Variants in URB1 observed in about 807,000 individuals in gnomAD.
The protein encoded by URB1 is URB1 ribosome biogenesis factor, also known as nucleolar pre-ribosomal-associated protein 1.
A neutral mutation model predicts 242.3 loss-of-function variants in URB1; 197 were observed. That is an observed-to-expected ratio of 0.81 (90% CI 0.72 to 0.91). The LOEUF is 0.91. URB1 is among the 40% of genes least tolerant of loss of function. The pLI is 0.00. For synonymous variants in URB1, 1,153 were observed against 1,201.8 expected (o/e 0.96, Z 0.84); for missense variants, 2,721 against 2,860.5 (o/e 0.95, Z 1.11).
intron 11 of URB1, 65 bp from the exon 12 acceptor site, chr21:32,362,086 A>G (rs1257177729): frequency 1.3e-6 from 2 of 1,524,406 alleles, no homozygotes; most frequent in East Asian, 4.9e-5. Context: ...AATGAACTGA[A>G]CACATTAACA....
In URB1 at chr21:32,377,189, T is replaced by C. The variant is rs188755892; in HGVS notation, c.664+1256A>G. 3.4e-4 allele frequency: 177 copies of C among 518,708 alleles called. 1 individual carries two copies. The East Asian group carries it at 8.1e-3, about 24-fold the overall frequency. The allele number at this position is 518,708 out of a possible 1,614,324, so 32.1% of individuals were successfully genotyped here. A position where few individuals can be genotyped will look rare whatever the true frequency, so the allele number is the denominator to read the frequency against. ...TTTTTTTATCTTTTTTCTTTATCTA[T>C]TGTGCAACCCACTTCAGTGCCAGCA... On this transcript the variant is annotated intron_variant, in intron 5 of 38. Transcript: ENST00000382751.
intron 1 of URB1, among the ~76,000 whole-genome samples, chr21:32,389,558 A>G (rs1019427378): frequency 1.1e-4 from 16 of 152,116 alleles, no homozygotes; most frequent in Non-Finnish European, 2.1e-4. Context: ...AAAGAGGGGG[A>G]GCAGACAGAT....
rs192389652 is a variant in URB1, at chr21:32,329,681, C to T, written c.4960+3636G>A. Among the ~76,000 whole-genome samples the T allele has an allele frequency of 1.7e-4, 26 of 152,272 alleles. No homozygotes were observed. The East Asian group carries it at 4.8e-3, about 28-fold the overall frequency. On this transcript the variant is annotated intron_variant, in intron 30 of 38. Coordinates refer to ENST00000382751, the MANE Select transcript of URB1 (RefSeq NM_014825.3). ...CCCATTTCCAGCAAAGGGCTGAAAA[C>T]GGAGCAGTGGGACTGTAATTACTCT...
chr21:32,350,657 C>A, intron 20 of URB1, 47 bp downstream of exon 20: 1 of 1,537,144 alleles, frequency 6.5e-7, no homozygotes, highest in Non-Finnish European at 8.8e-7. Context: ...GCTTAGCTCT[C>A]TGGTGGCAGA....
Position 32,338,697 on chromosome 21 carries a change from G to A in URB1, c.4510+10C>T, listed in dbSNP as rs760908264. 1.6e-5 allele frequency: 25 copies of A among 1,550,666 alleles called. No homozygotes were observed. The highest frequency in any genetic ancestry group is 2.4e-5 in the South Asian group (2 of 83,984). ...GGATACGGAATGGAAGGGCTGGGGTGAGGGGTCACCTTTTACTTGGCTGTC... is the reference window on the plus strand; with the variant it reads ...GGATACGGAATGGAAGGGCTGGGGTAAGGGGTCACCTTTTACTTGGCTGTC... On this transcript the variant is annotated intron_variant, in intron 26 of 38. Coordinates refer to ENST00000382751, the MANE Select transcript of URB1 (RefSeq NM_014825.3).
intron 22 of URB1, 98 bp downstream of exon 22, chr21:32,346,858 G>C (rs1268145871): frequency 1.4e-6 from 2 of 1,428,990 alleles, no homozygotes; most frequent in Non-Finnish European, 1.8e-6. Context: ...CCACATCCCA[G>C]AACCTGAATT....
intron 10 of URB1, among the ~76,000 whole-genome samples, chr21:32,364,528 C>A (rs2033323969): frequency 1.3e-5 from 2 of 152,230 alleles, no homozygotes; most frequent in Non-Finnish European, 2.9e-5. Flanking sequence ...TGCGGCTTCA[C>A]TCTGTGTACA....
chr21:32,384,124 T>C (rs898582653), intron 3 of URB1, among the ~76,000 whole-genome samples, 189 bp downstream of exon 3: 1 of 151,982 alleles, frequency 6.6e-6, no homozygotes, highest in African/African-American at 2.4e-5. Context: ...AAGGGGTAAG[T>C]AAGAGAGGAG....
At chr21:32,356,151 T>C (rs1229119444) in intron 15 of URB1, among the ~76,000 whole-genome samples, 1 of 152,020 alleles carries the variant, frequency 6.6e-6, no homozygotes, top group Admixed American at 6.6e-5. Flanking sequence ...GAGACTGAGG[T>C]GTGAGAATTG....
chr21:32,363,669 A>AT (rs546362663), intron 10 of URB1, among the ~76,000 whole-genome samples: 16 of 148,994 alleles, frequency 1.1e-4, no homozygotes, highest in South Asian at 4.3e-4. Context: ...CTCTGCCACT[A>AT]TTTTTTTTTT....
chr21:32,335,201 C>G (rs1029338611), intron 28 of URB1: 1 of 152,992 alleles, frequency 6.5e-6, no homozygotes, highest in Non-Finnish European at 1.5e-5. Flanking sequence ...AGCCGGGCTA[C>G]TCACCCTTTC....
chr21:32,380,412 CCTAT>C (rs961828001), intron 4 of URB1, among the ~76,000 whole-genome samples: 2 of 152,216 alleles, frequency 1.3e-5, no homozygotes, highest in Non-Finnish European at 2.9e-5. Context: ...GTTCTGAGGA[CCTAT>C]CTGTGTGTCT....
Position 32,325,093 on chromosome 21 carries a change from C to T in URB1, c.5121+136G>A, listed in dbSNP as rs542111157. 1.9e-4 allele frequency: 226 copies of T among 1,180,208 alleles called. 5 individuals are homozygous for T. In the South Asian group the frequency reaches 3.6e-3, roughly 19 times the overall value. The allele number at this position is 1,180,208 out of a possible 1,614,324, so 73.1% of individuals were successfully genotyped here. On this transcript the variant is annotated intron_variant, in intron 31 of 38. Coordinates refer to ENST00000382751, the MANE Select transcript of URB1 (RefSeq NM_014825.3). The stretch of plus-strand genomic sequence containing the variant: ...CCTCCTAAGGGAACAGACTTTTGCT[C>T]TTCAGCAGAGATCTCCCGGCAACAT...
chr21:32,333,863 G>A (rs1017302199), intron 29 of URB1, among the ~76,000 whole-genome samples: 3 of 152,150 alleles, frequency 2.0e-5, no homozygotes, highest in African/African-American at 7.2e-5. Context: ...ATAAAGCAAA[G>A]TGCTTGTGTA....
At position 32,314,989 on chromosome 21, in the gene URB1, C is replaced by T; in HGVS notation, c.6745G>A (p.Ala2249Thr). The T allele has an allele frequency of 1.9e-6, 3 of 1,551,666 alleles. No homozygotes were observed. Among genetic ancestry groups the T allele is most frequent in the South Asian group, 2.4e-5 (2 of 84,066 alleles). Residue 2249 changes from alanine to threonine, a missense_variant, in exon 39 of 39, where the codon GCC (alanine) becomes ACC (threonine). Ala to Thr is a moderately conservative substitution (Grantham distance 58, BLOSUM62 0). Coordinates refer to ENST00000382751, the MANE Select transcript of URB1 (RefSeq NM_014825.3). ...ATGGCCTCCTCTTCACTGCTCGGGG[C>T]ATCATCTGCGGCCTCACACACCATC... The part of the protein sequence containing the change: ...VRMVCEAADD[A>T]PSSEEEAIVV...
chr21:32,363,314 C>T lies in URB1; in HGVS notation c.1351G>A (p.Val451Met), dbSNP rs2033309930. 2 of 1,551,532 alleles carry T rather than the reference C, an allele frequency of 1.3e-6. No individual in the cohort carries two copies. The highest frequency in any genetic ancestry group is 8.7e-7 in the Non-Finnish European group (1 of 1,147,014). ...ATAAGGGATAAGGCTGTGTGCCTCACTGAGGTGCTGTCCAACTGGGAAGAA... is the reference window on the plus strand; with the variant it reads ...ATAAGGGATAAGGCTGTGTGCCTCATTGAGGTGCTGTCCAACTGGGAAGAA... ...TQALNLDSTS[V>M]RHTALSLISV... The change falls in exon 11 of 39, where the codon GTG becomes ATG. Residue 451 changes from valine (V) to methionine (M), a missense_variant. Val to Met is a conservative substitution (Grantham distance 21, BLOSUM62 1). Transcript: ENST00000382751.
chr21:32,320,743 T>C, intron 34 of URB1, 103 bp from the exon 35 acceptor site: 1 of 835,388 alleles, frequency 1.2e-6, no homozygotes, highest in Non-Finnish European at 1.9e-6. Context: ...TTACAGGTGG[T>C]GGCTGCAAAT....
Position 32,344,654 on chromosome 21 carries a change from G to T in URB1, c.4173C>A (p.Ile1391=), listed in dbSNP as rs370165876. ...CTTGCTGTCCACCACTGAAAGACACGATCAGCCACTTCACACAGGACTCCA... is the reference window on the plus strand; with the variant it reads ...CTTGCTGTCCACCACTGAAAGACACTATCAGCCACTTCACACAGGACTCCA... The part of the protein sequence containing the change: ...TLLESCVKWL[I]VSFSGGQQDD... The change falls in exon 24 of 39, where the codon ATC becomes ATA. Residue 1391 remains isoleucine (I), a synonymous_variant. Transcript: ENST00000382751. 7 of 1,552,258 alleles carry T rather than the reference G, an allele frequency of 4.5e-6. No homozygotes were observed. In the South Asian group the frequency reaches 5.9e-5, roughly 13 times the overall value.
chr21:32,392,953 G>A lies in URB1; in HGVS notation c.-43C>T. On this transcript the variant is annotated 5_prime_UTR_variant, in exon 1 of 39. Transcript: ENST00000382751. ...CGCGACGGAAACGACACACCTGAGG[G>A]GACCCGGCAGGAGCACTGGCACAGA... 1.4e-6 allele frequency: 2 copies of A among 1,454,138 alleles called. No individual in the cohort carries two copies. Among genetic ancestry groups the A allele is most frequent in the Non-Finnish European group, 1.8e-6 (2 of 1,102,952 alleles). The allele number at this position is 1,454,138 out of a possible 1,614,324, so 90.1% of individuals were successfully genotyped here.
Sources: allele counts gnomAD v4.1 joint callset (sites outside exome capture counted in the v4.1 genomes callset), GRCh38; gene constraint gnomAD v4.1.1; transcripts MANE v1.5; gene names NCBI Gene and HGNC (gene_info 2026-07-23, HGNC 2026-07-21).